NALF1: variants seen among roughly 807,000 people sequenced by gnomAD.
NALF1 encodes family with sequence similarity 155 member A.
A neutral mutation model predicts 48.4 loss-of-function variants in NALF1; 3 were observed. That is an observed-to-expected ratio of 0.06 (90% CI 0.03 to 0.16). The LOEUF is 0.16. NALF1 is among the 10% of genes least tolerant of loss of function. The pLI is 1.00. For missense variants in NALF1, 526 were observed against 571.5 expected (o/e 0.92, Z 0.81); for synonymous variants, 262 against 245.7 (o/e 1.07, Z -0.62).
chr13:107,326,278 C>T (rs1215728354), intron 1 of NALF1, among the ~76,000 whole-genome samples: 1 of 152,004 alleles, frequency 6.6e-6, no homozygotes, highest in African/African-American at 2.4e-5. Flanking sequence ...ACACTTCCTT[C>T]CATTCTCCTT....
intron 1 of NALF1, among the ~76,000 whole-genome samples, chr13:107,355,947 T>C (rs1882955729): frequency 6.6e-6 from 1 of 152,212 alleles, no homozygotes; most frequent in African/African-American, 2.4e-5. Context: ...TAATCATTGA[T>C]AAAGGTTCTG....
At chr13:107,460,223 G>T (rs577934287) in intron 1 of NALF1, among the ~76,000 whole-genome samples, 1 of 152,182 alleles carries the variant, frequency 6.6e-6, no homozygotes, top group Non-Finnish European at 1.5e-5. Context: ...AAAGCAAGAA[G>T]CCCAGACACC....
intron 1 of NALF1, among the ~76,000 whole-genome samples, chr13:107,437,265 G>T (rs1884477600): frequency 6.6e-6 from 1 of 152,150 alleles, no homozygotes; most frequent in Admixed American, 6.6e-5. Flanking sequence ...ACATGCAGGG[G>T]TACACTGACT....
At chr13:107,697,829 C>T (rs1030463163) in intron 1 of NALF1, among the ~76,000 whole-genome samples, 3 of 152,130 alleles carry the variant, frequency 2.0e-5, no homozygotes, top group Non-Finnish European at 4.4e-5. Flanking sequence ...TTTCAACCTT[C>T]GTTTAGCAAA....
chr13:107,743,177 G>T (rs1164518782), intron 1 of NALF1, among the ~76,000 whole-genome samples: 1 of 152,190 alleles, frequency 6.6e-6, no homozygotes, highest in African/African-American at 2.4e-5. Context: ...GTCTTACAGA[G>T]ATTCCCAAAG....
In NALF1 at chr13:107,678,715, C is replaced by T. The variant is rs565917590; in HGVS notation, c.915+186967G>A. On this transcript the variant is annotated intron_variant, in intron 1 of 2. Transcript: ENST00000375915. Reference sequence around the variant, plus strand: ...TGGAAGGTGAAGGGAAACAAGGCAACGTCTTCACAACGGGGCAGGAAGGAG... The same window carrying T: ...TGGAAGGTGAAGGGAAACAAGGCAATGTCTTCACAACGGGGCAGGAAGGAG... Among the ~76,000 whole-genome samples, 21 of 152,264 alleles carry T rather than the reference C, an allele frequency of 1.4e-4. No individual in the cohort carries two copies. The South Asian group carries it at 3.5e-3, about 26-fold the overall frequency.
chr13:107,767,270 C>T (rs977493072), intron 1 of NALF1, among the ~76,000 whole-genome samples: 2 of 152,142 alleles, frequency 1.3e-5, no homozygotes, highest in African/African-American at 4.8e-5. Flanking sequence ...TGACTGGATG[C>T]ATAATTGGCT....
chr13:107,465,772 T>C (rs777253807), intron 1 of NALF1, among the ~76,000 whole-genome samples: 30 of 152,096 alleles, frequency 2.0e-4, no homozygotes, highest in Admixed American at 2.0e-4. Context: ...ATCTGTGAGG[T>C]CAAAGATTAA....
At chr13:107,738,234 G>A (rs535705945) in intron 1 of NALF1, among the ~76,000 whole-genome samples, 142 of 152,286 alleles carry the variant, frequency 9.3e-4, no homozygotes, top group African/African-American at 3.3e-3. Flanking sequence ...AGAAAAGGAG[G>A]TGACCGAAAA....
intron 1 of NALF1, among the ~76,000 whole-genome samples, chr13:107,331,050 A>G (rs1473404141): frequency 1.3e-5 from 2 of 152,242 alleles, no homozygotes; most frequent in East Asian, 3.8e-4. Flanking sequence ...AATATAGATT[A>G]GGATGGTAAA....
chr13:107,318,760 G>A (rs1257817546), intron 1 of NALF1, among the ~76,000 whole-genome samples: 1 of 152,012 alleles, frequency 6.6e-6, no homozygotes, highest in Non-Finnish European at 1.5e-5. Context: ...GAATGTTCAT[G>A]GTGACACTGA....
At chr13:107,567,372 GACTT>G (rs1877845474) in intron 1 of NALF1, among the ~76,000 whole-genome samples, 1 of 152,090 alleles carries the variant, frequency 6.6e-6, no homozygotes, top group South Asian at 2.1e-4. Context: ...AAAAATAAAA[GACTT>G]ACTAGGACCT....
intron 1 of NALF1, among the ~76,000 whole-genome samples, chr13:107,797,894 G>A (rs1878482400): frequency 6.6e-6 from 1 of 152,008 alleles, no homozygotes; most frequent in South Asian, 2.1e-4. Context: ...ACTTTCAATG[G>A]AACTAATGAA....
chr13:107,494,410 C>A (rs1347699980), intron 1 of NALF1, among the ~76,000 whole-genome samples: 1 of 152,064 alleles, frequency 6.6e-6, no homozygotes, highest in African/African-American at 2.4e-5. Context: ...AATAAAAGGG[C>A]AAAACCCAAA....
At chr13:107,274,024 T>C (rs972294463) in intron 1 of NALF1, among the ~76,000 whole-genome samples, 18 of 99,230 alleles carry the variant, frequency 1.8e-4, no homozygotes, top group African/African-American at 5.0e-4. Context: ...TGAGGTCCAG[T>C]GATCTGTTTT....
chr13:107,170,465 C>A lies in NALF1; in HGVS notation c.*32G>T, dbSNP rs778746842. ...GCAGTTGCCATTTTTCACGGCGGGC[C>A]AGCTGCTGCTGTGGTGACACTCGTC... On this transcript the variant is annotated 3_prime_UTR_variant, in exon 3 of 3. Coordinates refer to ENST00000375915, the MANE Select transcript of NALF1 (RefSeq NM_001080396.3). 2 of 1,553,118 alleles carry A rather than the reference C, an allele frequency of 1.3e-6. No individual in the cohort carries two copies. Among genetic ancestry groups the A allele is most frequent in the Non-Finnish European group, 8.7e-7 (1 of 1,149,732 alleles).
intron 1 of NALF1, among the ~76,000 whole-genome samples, chr13:107,377,587 C>T (rs1002352092): frequency 6.6e-5 from 10 of 151,820 alleles, no homozygotes; most frequent in African/African-American, 2.2e-4. Context: ...GCCTAGGCAA[C>T]ATAAGGAAAT....
At chr13:107,845,587 C>G (rs1880150331) in intron 1 of NALF1, among the ~76,000 whole-genome samples, 1 of 152,184 alleles carries the variant, frequency 6.6e-6, no homozygotes, top group South Asian at 2.1e-4. Context: ...CTATCTTTCT[C>G]CACTTATTTG....
intron 1 of NALF1, among the ~76,000 whole-genome samples, chr13:107,245,591 C>T (rs1880565461): frequency 6.6e-6 from 1 of 152,084 alleles, no homozygotes; most frequent in Non-Finnish European, 1.5e-5. Context: ...ATTCTTTTTG[C>T]TGTTTTTCTC....
Sources: allele counts gnomAD v4.1 joint callset (sites outside exome capture counted in the v4.1 genomes callset), GRCh38; gene constraint gnomAD v4.1.1; transcripts MANE v1.5; gene names NCBI Gene and HGNC (gene_info 2026-07-23, HGNC 2026-07-21).